FBXL7: variants seen among roughly 807,000 people sequenced by gnomAD.
FBXL7 encodes the protein F-box/LRR-repeat protein 7.
FBXL7 carries 12 observed loss-of-function variants against 38.3 expected under a neutral mutation model. That is an observed-to-expected ratio of 0.31 (90% CI 0.20 to 0.51). FBXL7 has a LOEUF of 0.51. Among genes scored for constraint, FBXL7 ranks in the 20% least tolerant of loss-of-function variants. The probability of loss-of-function intolerance (pLI) is 0.98; values close to 1 mark genes in which losing one functional copy is unlikely to be tolerated. For synonymous variants in FBXL7, 297 were observed against 300.9 expected, an observed-to-expected ratio of 0.99 and a Z score of 0.13; for missense variants, 567 against 676.4, an observed-to-expected ratio of 0.84 and a Z score of 1.79.
chr5:15,790,460 G>A (rs764603200), intron 2 of FBXL7, among the ~76,000 whole-genome samples: 18 of 152,082 alleles, frequency 1.2e-4, no homozygotes, highest in Admixed American at 2.0e-4. Flanking sequence ...AGTGCCTGGC[G>A]AATTCTTCCT....
At chr5:15,828,143 A>G (rs971473500) in intron 2 of FBXL7, among the ~76,000 whole-genome samples, 1 of 152,236 alleles carries the variant, frequency 6.6e-6, no homozygotes, top group Non-Finnish European at 1.5e-5. Flanking sequence ...AAAAATGGAA[A>G]TAATACCTAT....
At chr5:15,761,780 G>C (rs1364717629) in intron 2 of FBXL7, among the ~76,000 whole-genome samples, 1 of 152,090 alleles carries the variant, frequency 6.6e-6, no homozygotes, top group Non-Finnish European at 1.5e-5. Flanking sequence ...TCCTGGACTC[G>C]AGTGATCTGC....
chr5:15,538,274 G>C (rs753189785), intron 1 of FBXL7, among the ~76,000 whole-genome samples: 1 of 152,064 alleles, frequency 6.6e-6, no homozygotes, highest in Non-Finnish European at 1.5e-5. Flanking sequence ...ACGACCTACA[G>C]GAAAAAATTC....
At chr5:15,526,448 C>A (rs1400791495) in intron 1 of FBXL7, among the ~76,000 whole-genome samples, 1 of 152,102 alleles carries the variant, frequency 6.6e-6, no homozygotes, top group South Asian at 2.1e-4. Context: ...ATTCCAAAGG[C>A]GTCTTTCGGT....
At position 15,939,091 on chromosome 5, in the gene FBXL7, G is replaced by A; in HGVS notation, c.*1905G>A. 2.5e-6 allele frequency: 1 copy of A among 399,034 alleles called. No individual in the cohort carries two copies. Among genetic ancestry groups the A allele is most frequent in the Non-Finnish European group, 4.4e-6 (1 of 226,060 alleles). 24.7% of individuals were successfully genotyped at this position (399,034 alleles called of 1,614,324 possible). ...TTCTGTGGGGGATGGAGAGGTTAGTGTGATGAGGTGGTGTCTGCCCAGGAG... is the reference window on the plus strand; with the variant it reads ...TTCTGTGGGGGATGGAGAGGTTAGTATGATGAGGTGGTGTCTGCCCAGGAG... On this transcript the variant is annotated 3_prime_UTR_variant, in exon 4 of 4. Transcript: ENST00000504595.
chr5:15,804,296 C>T (rs972715473), intron 2 of FBXL7, among the ~76,000 whole-genome samples: 1 of 151,884 alleles, frequency 6.6e-6, no homozygotes, highest in Non-Finnish European at 1.5e-5. Context: ...AGAGAGACCC[C>T]ATCTTTACAA....
At chr5:15,823,491 T>C (rs1487036117) in intron 2 of FBXL7, among the ~76,000 whole-genome samples, 1 of 152,212 alleles carries the variant, frequency 6.6e-6, no homozygotes, top group East Asian at 1.9e-4. Flanking sequence ...ATTAATGCTG[T>C]AGATTTGTAG....
At position 15,509,895 on chromosome 5, in the gene FBXL7, C is replaced by T. The variant is rs375669480; in HGVS notation, c.37+9182C>T. ...AGCTGGTGGGCAGCTACTTCTAAAA[C>T]GTGCTAGTTAATACCCCAGAGAGGG... On this transcript the variant is annotated intron_variant, in intron 1 of 3. Coordinates refer to ENST00000504595, the MANE Select transcript of FBXL7 (RefSeq NM_012304.5). Among the ~76,000 whole-genome samples the T allele has an allele frequency of 1.2e-4, 18 of 152,308 alleles. No individual in the cohort carries two copies. The East Asian group carries it at 2.5e-3, about 21-fold the overall frequency.
intron 2 of FBXL7, among the ~76,000 whole-genome samples, chr5:15,720,419 G>A (rs952436227): frequency 6.7e-6 from 1 of 148,202 alleles, no homozygotes; most frequent in Non-Finnish European, 1.5e-5. Flanking sequence ...AAATTACTTG[G>A]CTTTTCTCCA....
intron 2 of FBXL7, among the ~76,000 whole-genome samples, chr5:15,713,368 G>A (rs1743939000): frequency 6.6e-6 from 1 of 152,144 alleles, no homozygotes; most frequent in South Asian, 2.1e-4. Context: ...GGGAATTATG[G>A]GAGCTACAAT....
chr5:15,839,887 G>A (rs551059893), intron 2 of FBXL7, among the ~76,000 whole-genome samples: 80 of 152,208 alleles, frequency 5.3e-4, no homozygotes, highest in African/African-American at 1.9e-3. Context: ...CAGGGTGACT[G>A]CTTAATAAAA....
At chr5:15,902,028 CCT>C (rs1561182400) in intron 2 of FBXL7, among the ~76,000 whole-genome samples, 1 of 152,188 alleles carries the variant, frequency 6.6e-6, no homozygotes, top group Non-Finnish European at 1.5e-5. Context: ...ACACTCCACT[CCT>C]CTCATGCTGC....
At chr5:15,573,847 A>G (rs1322550787) in intron 1 of FBXL7, among the ~76,000 whole-genome samples, 1 of 152,216 alleles carries the variant, frequency 6.6e-6, no homozygotes. Context: ...ATAAATGTAG[A>G]TGATTGTTAA....
chr5:15,643,614 G>A (rs971316703), intron 2 of FBXL7, among the ~76,000 whole-genome samples: 2 of 152,200 alleles, frequency 1.3e-5, no homozygotes, highest in African/African-American at 2.4e-5. Context: ...TTTGAACCAT[G>A]CTCGGTCTTC....
chr5:15,533,468 T>A (rs1355617074), intron 1 of FBXL7, among the ~76,000 whole-genome samples: 1 of 152,118 alleles, frequency 6.6e-6, no homozygotes, highest in African/African-American at 2.4e-5. Context: ...AAACTGAAAT[T>A]AGATACAGAA....
At chr5:15,831,788 G>T (rs1045210736) in intron 2 of FBXL7, among the ~76,000 whole-genome samples, 1 of 152,078 alleles carries the variant, frequency 6.6e-6, no homozygotes, top group Admixed American at 6.5e-5. Context: ...ATGAGAAGGG[G>T]ACATGGACAG....
At chr5:15,732,304 A>T (rs4273603) in intron 2 of FBXL7, among the ~76,000 whole-genome samples, 81,678 of 151,940 alleles carry the variant, frequency 0.54, 22,109 homozygotes, top group East Asian at 0.67. Flanking sequence ...TTGTTAAAAA[A>T]ATAAAATAAA....
rs368011573 is a variant in FBXL7, at chr5:15,817,236, T to C, written c.128-110654T>C. Reference sequence around the variant, plus strand: ...GGACAGGTCCCAAGAAGCAGACAAATAGTCTTTTAAGGACAAACAATGCAG... The same window carrying C: ...GGACAGGTCCCAAGAAGCAGACAAACAGTCTTTTAAGGACAAACAATGCAG... On this transcript the variant is annotated intron_variant, in intron 2 of 3. Coordinates refer to ENST00000504595, the MANE Select transcript of FBXL7 (RefSeq NM_012304.5). Among the ~76,000 whole-genome samples, 332 of 152,170 alleles carry C rather than the reference T, an allele frequency of 2.2e-3. 2 individuals carry two copies. Among genetic ancestry groups the C allele is most frequent in the Non-Finnish European group, 3.7e-3 (253 of 68,024 alleles).
At chr5:15,711,854 C>G (rs1395030002) in intron 2 of FBXL7, among the ~76,000 whole-genome samples, 1 of 152,122 alleles carries the variant, frequency 6.6e-6, no homozygotes, top group Non-Finnish European at 1.5e-5. Context: ...TGATAGAATA[C>G]AGGCAGTAAT....
Sources: allele counts gnomAD v4.1 joint callset (sites outside exome capture counted in the v4.1 genomes callset), GRCh38; gene constraint gnomAD v4.1.1; transcripts MANE v1.5; gene names NCBI Gene and HGNC (gene_info 2026-07-23, HGNC 2026-07-21).